The following OPCML variants were observed in gnomAD, a reference collection of about 807,000 sequenced individuals.
OPCML encodes the protein opioid binding protein/cell adhesion molecule like.
OPCML carries 13 observed loss-of-function variants against 37.8 expected under a neutral mutation model. The observed-to-expected ratio is 0.34, with a 90% confidence interval of 0.22 to 0.55. The LOEUF (loss-of-function observed/expected upper bound fraction) is 0.55, where lower values mean the gene tolerates loss of function less well. Ranked by LOEUF, OPCML falls within the 20% of genes least tolerant of loss-of-function variation. The pLI, the probability that OPCML is intolerant of heterozygous loss-of-function variation, is 0.91. For missense variants in OPCML, 341 were observed against 435.6 expected (o/e 0.78, Z 1.93); for synonymous variants, 176 against 168.8 (o/e 1.04, Z -0.33).
At chr11:132,489,417 G>T (rs185042826) in intron 4 of OPCML, among the ~76,000 whole-genome samples, 1 of 152,218 alleles carries the variant, frequency 6.6e-6, no homozygotes, top group Non-Finnish European at 1.5e-5. Context: ...ATAGTAAAAA[G>T]TGTGGTATAG....
At chr11:132,616,100 C>T (rs1307962529) in intron 3 of OPCML, among the ~76,000 whole-genome samples, 1 of 152,168 alleles carries the variant, frequency 6.6e-6, no homozygotes, top group Admixed American at 6.5e-5. Context: ...AATAATTCTA[C>T]CTATGCTCAA....
At chr11:132,850,042 G>A (rs749137512) in intron 2 of OPCML, among the ~76,000 whole-genome samples, 9 of 152,166 alleles carry the variant, frequency 5.9e-5, no homozygotes, top group Non-Finnish European at 1.2e-4. Flanking sequence ...GAGTAAGGAT[G>A]GGAAAGACAA....
intron 2 of OPCML, among the ~76,000 whole-genome samples, chr11:132,937,946 C>A (rs1945446967): frequency 1.3e-5 from 2 of 151,830 alleles, no homozygotes; most frequent in Admixed American, 1.3e-4. Context: ...TAGTTTGGAT[C>A]AGACTGCCAT....
At chr11:133,477,110 A>G (rs1373612309) in intron 1 of OPCML, among the ~76,000 whole-genome samples, 1 of 152,164 alleles carries the variant, frequency 6.6e-6, no homozygotes, top group Non-Finnish European at 1.5e-5. Context: ...CTGCCCATCA[A>G]GGGGATGTCT....
At chr11:133,510,803 C>G (rs1419228440) in intron 1 of OPCML, among the ~76,000 whole-genome samples, 2 of 152,026 alleles carry the variant, frequency 1.3e-5, no homozygotes, top group African/African-American at 4.8e-5. Context: ...ATGTTGGACT[C>G]TCTTCTCTTC....
At chr11:132,471,986 A>G (rs895778545) in intron 4 of OPCML, among the ~76,000 whole-genome samples, 1 of 152,300 alleles carries the variant, frequency 6.6e-6, no homozygotes, top group African/African-American at 2.4e-5. Context: ...GCAGGCCTAC[A>G]TCATGAAGGC....
intron 1 of OPCML, among the ~76,000 whole-genome samples, chr11:132,978,333 T>C (rs11223307): frequency 0.33 from 49,553 of 152,010 alleles, 8,363 homozygotes; most frequent in Admixed American, 0.41. Flanking sequence ...GTGATCAGAT[T>C]TTGGTTTAAC....
intron 1 of OPCML, among the ~76,000 whole-genome samples, chr11:133,344,278 A>C: frequency 6.6e-6 from 1 of 152,296 alleles, no homozygotes; most frequent in East Asian, 1.9e-4. Context: ...GAACCCACTG[A>C]CAGTCTCTCT....
chr11:133,282,344 G>A (rs1942181791), intron 1 of OPCML, among the ~76,000 whole-genome samples: 1 of 152,176 alleles, frequency 6.6e-6, no homozygotes, highest in African/African-American at 2.4e-5. Flanking sequence ...AAGGGCCCTA[G>A]GTACAGCTCT....
chr11:132,696,458 A>C (rs1165928379), intron 2 of OPCML, among the ~76,000 whole-genome samples: 2 of 152,208 alleles, frequency 1.3e-5, no homozygotes, highest in Non-Finnish European at 2.9e-5. Flanking sequence ...AGTATTTTTT[A>C]AGCACCTCTA....
At chr11:133,445,349 T>C (rs998545709) in intron 1 of OPCML, among the ~76,000 whole-genome samples, 7 of 152,214 alleles carry the variant, frequency 4.6e-5, no homozygotes, top group African/African-American at 1.7e-4. Flanking sequence ...GACATGAGCT[T>C]ATGCCATGCC....
intron 1 of OPCML, among the ~76,000 whole-genome samples, chr11:132,995,708 T>C (rs1453508898): frequency 6.6e-6 from 1 of 152,140 alleles, no homozygotes; most frequent in Non-Finnish European, 1.5e-5. Flanking sequence ...GACGTGAGCC[T>C]CCTGTGAGGG....
At chr11:133,319,639 C>G (rs1409055125) in intron 1 of OPCML, among the ~76,000 whole-genome samples, 1 of 152,220 alleles carries the variant, frequency 6.6e-6, no homozygotes, top group East Asian at 1.9e-4. Context: ...CGGCCCTCGT[C>G]TGCCACATCT....
At chr11:132,940,158 A>G (rs2136665162) in intron 2 of OPCML, among the ~76,000 whole-genome samples, 1 of 152,312 alleles carries the variant, frequency 6.6e-6, no homozygotes, top group Non-Finnish European at 1.5e-5. Flanking sequence ...GACCTGTCAC[A>G]ACAAAACTGA....
intron 1 of OPCML, among the ~76,000 whole-genome samples, chr11:133,394,353 A>G (rs1377456698): frequency 6.6e-6 from 1 of 152,234 alleles, no homozygotes; most frequent in Non-Finnish European, 1.5e-5. Flanking sequence ...TAATTATCAC[A>G]TCAGGGTAAA....
chr11:132,961,679 C>T (rs1026201327), intron 1 of OPCML, among the ~76,000 whole-genome samples: 2 of 152,184 alleles, frequency 1.3e-5, no homozygotes, highest in African/African-American at 2.4e-5. Context: ...CCTTTGGTTT[C>T]CTCATCTGTA....
At chr11:133,179,881 C>T (rs1937739001) in intron 1 of OPCML, among the ~76,000 whole-genome samples, 1 of 152,094 alleles carries the variant, frequency 6.6e-6, no homozygotes, top group Admixed American at 6.5e-5. Flanking sequence ...GGAGAGCGGC[C>T]AGTGGGTAAC....
intron 1 of OPCML, among the ~76,000 whole-genome samples, chr11:133,045,936 G>A (rs79822313): frequency 0.015 from 2,345 of 152,264 alleles, 49 homozygotes; most frequent in African/African-American, 0.052. Flanking sequence ...GGTGAGCCAA[G>A]TCGTTGACAG....
intron 1 of OPCML, chr11:133,068,190 T>C (rs578248353): frequency 7.2e-5 from 11 of 152,342 alleles, no homozygotes; most frequent in African/African-American, 2.6e-4. Context: ...CTTATTTCCT[T>C]AAGCCAAAAC....
Sources: allele counts gnomAD v4.1 joint callset (sites outside exome capture counted in the v4.1 genomes callset), GRCh38; gene constraint gnomAD v4.1.1; transcripts MANE v1.5; gene names NCBI Gene and HGNC (gene_info 2026-07-23, HGNC 2026-07-21).